The following ARAP2 variants were observed in gnomAD, a reference collection of about 807,000 sequenced individuals.
ARAP2 encodes ArfGAP with RhoGAP domain, ankyrin repeat and PH domain 2, also known as arf-GAP with Rho-GAP domain, ANK repeat and PH domain-containing protein 2.
ARAP2 carries 148 observed loss-of-function variants against 194.5 expected under a neutral mutation model. That is an observed-to-expected ratio of 0.76 (90% CI 0.67 to 0.87). ARAP2 has a LOEUF of 0.87. Ranked by LOEUF, ARAP2 falls within the 40% of genes least tolerant of loss-of-function variation. ARAP2 has a pLI of 0.00. For missense variants in ARAP2, 2,128 were observed against 1,989.7 expected, an observed-to-expected ratio of 1.07 and a Z score of -1.32; for synonymous variants, 695 against 683.5, an observed-to-expected ratio of 1.02 and a Z score of -0.26.
intron 1 of ARAP2, among the ~76,000 whole-genome samples, chr4:36,236,435 A>G (rs1475282171): frequency 6.6e-6 from 1 of 152,224 alleles, no homozygotes; most frequent in African/African-American, 2.4e-5. Context: ...GGAAAACAGC[A>G]TAATACAATC....
downstream of ARAP2, among the ~76,000 whole-genome samples, chr4:36,063,033 T>C (rs1724713139): frequency 6.6e-6 from 1 of 152,148 alleles, no homozygotes; most frequent in South Asian, 2.1e-4. Context: ...AGTGAAACAG[T>C]AGAAAAACTA....
intron 6 of ARAP2, among the ~76,000 whole-genome samples, chr4:36,200,222 T>C (rs1001944995): frequency 7.0e-6 from 1 of 142,426 alleles, no homozygotes; most frequent in African/African-American, 2.6e-5. Context: ...ATATCTTTTC[T>C]CAGCACTATT....
intron 15 of ARAP2, among the ~76,000 whole-genome samples, chr4:36,151,692 C>T (rs1435115650): frequency 6.6e-6 from 1 of 152,086 alleles, no homozygotes; most frequent in Non-Finnish European, 1.5e-5. Flanking sequence ...TTAAGAAATG[C>T]ATACTGAATT....
At chr4:36,060,943 G>C (rs1359278092) in intron 1 of ARAP2, among the ~76,000 whole-genome samples, 2 of 152,126 alleles carry the variant, frequency 1.3e-5, no homozygotes, top group Non-Finnish European at 1.5e-5. Context: ...TGGGAATTAG[G>C]ATTTCAACAT....
chr4:36,085,111 A>C (rs1370805017), intron 28 of ARAP2, among the ~76,000 whole-genome samples: 3 of 152,004 alleles, frequency 2.0e-5, no homozygotes, highest in African/African-American at 7.2e-5. Context: ...TGTTTGTACT[A>C]GTTCTTTATG....
At chr4:36,126,509 G>A (rs1195737443) in intron 21 of ARAP2, among the ~76,000 whole-genome samples, 5 of 151,902 alleles carry the variant, frequency 3.3e-5, no homozygotes, top group Non-Finnish European at 5.9e-5. Context: ...GGTGGTACAC[G>A]GCTATAAGGC....
At chr4:36,087,467 GAGA>G (rs1712198692) in intron 28 of ARAP2, among the ~76,000 whole-genome samples, 1 of 152,194 alleles carries the variant, frequency 6.6e-6, no homozygotes, top group East Asian at 1.9e-4. Flanking sequence ...ACTGTTTTCA[GAGA>G]AGTTCTTGAG....
chr4:36,172,985 G>A (rs1490579649), intron 9 of ARAP2, among the ~76,000 whole-genome samples: 1 of 152,094 alleles, frequency 6.6e-6, no homozygotes, highest in Non-Finnish European at 1.5e-5. Flanking sequence ...CAGAACACCA[G>A]GGAACATTAT....
chr4:36,154,854 C>T (rs1382965008), intron 15 of ARAP2, among the ~76,000 whole-genome samples: 1 of 152,166 alleles, frequency 6.6e-6, no homozygotes, highest in Non-Finnish European at 1.5e-5. Flanking sequence ...GTGACAACCA[C>T]ACTTTAATCT....
chr4:36,193,640 T>A lies in ARAP2; in HGVS notation c.1495A>T (p.Met499Leu), dbSNP rs763621749. 1 of 1,602,244 alleles carries A rather than the reference T, an allele frequency of 6.2e-7. No individual in the cohort carries two copies. The highest frequency in any genetic ancestry group is 2.2e-5 in the East Asian group (1 of 44,480). ...AATTTCACCCATCTCTTTTGAAACA[T>A]GCGTTTTCTGCAAAACATATGAAAT... ...LDKLSPQGKR[M>L]FQKRWVKFDG... is the part of the protein sequence containing the mutation. Residue 499 changes from methionine (M) to leucine (L), a missense_variant, in exon 7 of 33, where the codon ATG becomes TTG. Met to Leu is a conservative substitution (Grantham distance 15). Coordinates refer to ENST00000303965, the MANE Select transcript of ARAP2 (RefSeq NM_015230.4).
chr4:36,177,983 G>A lies in ARAP2; in HGVS notation c.1701C>T (p.Ser567=), dbSNP rs1738368646. Residue 567 remains serine (S), a synonymous_variant, in exon 9 of 33, where the codon AGC becomes AGT. Transcript: ENST00000303965. ...GTGATTTCAGTGCATTTAATAGTATGCTGATCCAGTCATTTCTCTCCTCTG... is the reference window on the plus strand; with the variant it reads ...GTGATTTCAGTGCATTTAATAGTATACTGATCCAGTCATTTCTCTCCTCTG... The part of the protein sequence containing the change: ...EKEEERNDWI[S]ILLNALKSQS... 1.2e-6 allele frequency: 2 copies of A among 1,605,326 alleles called. No individual in the cohort carries two copies. Among genetic ancestry groups the A allele is most frequent in the Admixed American group, 3.5e-5 (2 of 57,826 alleles).
chr4:36,028,753 A>T (rs1301926057), intron 5 of ARAP2, among the ~76,000 whole-genome samples: 1 of 151,340 alleles, frequency 6.6e-6, no homozygotes, highest in Non-Finnish European at 1.5e-5. Flanking sequence ...TGAAATTTGG[A>T]CTTGTTTTGT....
intron 28 of ARAP2, among the ~76,000 whole-genome samples, chr4:36,087,372 A>C (rs1712170148): frequency 6.6e-6 from 1 of 152,102 alleles, no homozygotes; most frequent in South Asian, 2.1e-4. Flanking sequence ...TGCAAATTTA[A>C]CTTTCAAATG....
At chr4:36,021,408 G>A (rs776565890) in intron 5 of ARAP2, among the ~76,000 whole-genome samples, 25 of 152,136 alleles carry the variant, frequency 1.6e-4, no homozygotes, top group African/African-American at 3.1e-4. Context: ...ATTGAATCAC[G>A]GGAGCAGATT....
intron 1 of ARAP2, among the ~76,000 whole-genome samples, chr4:36,239,890 G>A (rs1341231987): frequency 2.0e-5 from 3 of 152,104 alleles, no homozygotes; most frequent in Non-Finnish European, 4.4e-5. Flanking sequence ...TCCTTTGGGA[G>A]CCAATTCAAG....
chr4:36,146,301 G>C (rs1729609930), intron 19 of ARAP2, among the ~76,000 whole-genome samples: 1 of 151,930 alleles, frequency 6.6e-6, no homozygotes. Context: ...TATTCATCTG[G>C]AGTCAGAGTA....
intron 24 of ARAP2, among the ~76,000 whole-genome samples, chr4:36,117,889 T>A (rs1460192257): frequency 1.3e-5 from 2 of 151,548 alleles, no homozygotes; most frequent in Admixed American, 1.3e-4. Flanking sequence ...TATAGAAGGT[T>A]AACAAAGAAC....
intron 3 of ARAP2, chr4:36,047,308 A>C (rs1179217946): frequency 6.6e-6 from 1 of 152,214 alleles, no homozygotes; most frequent in Non-Finnish European, 1.5e-5. Context: ...CATCCAAGAG[A>C]GTGTAGCACT....
chr4:36,124,980 A>G lies in ARAP2; in HGVS notation c.3641-13T>C. ...TCATCTTGCGTATCTGAAGGGGAAA[A>G]AAAAACAATCTTGAGATCTAAACTA... On this transcript the variant is annotated splice_polypyrimidine_tract_variant and intron_variant, in intron 21 of 32. Transcript: ENST00000303965. The G allele has an allele frequency of 2.0e-6, 3 of 1,532,544 alleles. No individual in the cohort carries two copies. The highest frequency in any genetic ancestry group is 1.1e-5 in the South Asian group (1 of 88,576). The allele number at this position is 1,532,544 out of a possible 1,614,324, so 94.9% of individuals were successfully genotyped here. A position where few individuals can be genotyped will look rare whatever the true frequency, so the allele number is the denominator to read the frequency against.
Sources: allele counts gnomAD v4.1 joint callset (sites outside exome capture counted in the v4.1 genomes callset), GRCh38; gene constraint gnomAD v4.1.1; transcripts MANE v1.5; gene names NCBI Gene and HGNC (gene_info 2026-07-23, HGNC 2026-07-21).